The following SLC25A21 variants were observed in gnomAD, a reference collection of about 807,000 sequenced individuals.
The protein encoded by SLC25A21 is solute carrier family 25 member 21.
Under a neutral mutation model 43.8 loss-of-function variants are expected in SLC25A21, and 47 were observed. The observed-to-expected ratio is 1.07, with a 90% CI of 0.85 to 1.37. SLC25A21 has a LOEUF of 1.37. Among genes scored for constraint, SLC25A21 ranks in the 40% most tolerant of loss-of-function variants. The pLI, the probability that SLC25A21 is intolerant of heterozygous loss-of-function variation, is 0.00. For synonymous variants in SLC25A21, 131 were observed against 121.3 expected (o/e 1.08, Z -0.52); for missense variants, 352 against 350.2 (o/e 1.00, Z -0.04).
chr14:36,911,505 A>C (rs1891685274), intron 1 of SLC25A21, among the ~76,000 whole-genome samples: 1 of 152,148 alleles, frequency 6.6e-6, no homozygotes, highest in Admixed American at 6.5e-5. Flanking sequence ...CTTGCTATGG[A>C]CAACAGGACG....
intron 1 of SLC25A21, among the ~76,000 whole-genome samples, chr14:36,974,067 T>C (rs1432775660): frequency 6.6e-6 from 1 of 152,084 alleles, no homozygotes; most frequent in African/African-American, 2.4e-5. Context: ...TTTGACAAAC[T>C]CCAAAAGAAT....
At chr14:36,939,389 A>G (rs1892502654) in intron 1 of SLC25A21, among the ~76,000 whole-genome samples, 1 of 152,044 alleles carries the variant, frequency 6.6e-6, no homozygotes, top group Non-Finnish European at 1.5e-5. Flanking sequence ...ATTAAATAGA[A>G]TATACTCATG....
chr14:37,077,639 A>G (rs1453447959), intron 1 of SLC25A21, among the ~76,000 whole-genome samples: 1 of 152,230 alleles, frequency 6.6e-6, no homozygotes, highest in Non-Finnish European at 1.5e-5. Flanking sequence ...GGTAATTTAC[A>G]TGTCATTAGC....
intron 1 of SLC25A21, among the ~76,000 whole-genome samples, chr14:36,878,421 G>C (rs1267788190): frequency 6.6e-6 from 1 of 152,180 alleles, no homozygotes; most frequent in Non-Finnish European, 1.5e-5. Flanking sequence ...TATGGAAGCT[G>C]TGACTTTAAT....
chr14:36,963,184 T>A (rs1473927250), intron 1 of SLC25A21, among the ~76,000 whole-genome samples: 1 of 151,984 alleles, frequency 6.6e-6, no homozygotes, highest in Non-Finnish European at 1.5e-5. Context: ...TTAGTACATA[T>A]CCCCCCATAG....
At chr14:36,881,452 T>C (rs887718719) in intron 1 of SLC25A21, among the ~76,000 whole-genome samples, 1 of 152,172 alleles carries the variant, frequency 6.6e-6, no homozygotes, top group Non-Finnish European at 1.5e-5. Context: ...ATATCCTTTT[T>C]TCCTATGAGC....
rs144501037 is a variant in SLC25A21 at position 37,153,498 on chromosome 14, G to A, written c.70+18783C>T. ...TGCTGGTGGGACTTGGTTGCGAGTTGGGTGGGTGCTCCTACAGCTGGGGTG... is the reference window on the plus strand; with the variant it reads ...TGCTGGTGGGACTTGGTTGCGAGTTAGGTGGGTGCTCCTACAGCTGGGGTG... On this transcript the variant is annotated intron_variant, in intron 1 of 9. Coordinates refer to ENST00000331299, the MANE Select transcript of SLC25A21 (RefSeq NM_030631.4). Among the ~76,000 whole-genome samples the A allele has an allele frequency of 2.0e-3, 303 of 152,336 alleles. 1 individual carries two copies. The highest frequency in any genetic ancestry group is 7.2e-3 in the African/African-American group (299 of 41,582).
At chr14:36,744,872 T>TA (rs1885427061) in intron 3 of SLC25A21, among the ~76,000 whole-genome samples, 3 of 151,452 alleles carry the variant, frequency 2.0e-5, no homozygotes, top group Admixed American at 6.6e-5. Flanking sequence ...TCTTTTTTTT[T>TA]ATTATAGTTT....
intron 6 of SLC25A21, among the ~76,000 whole-genome samples, chr14:36,724,364 A>G (rs1197811510): frequency 6.6e-6 from 1 of 152,160 alleles, no homozygotes; most frequent in Non-Finnish European, 1.5e-5. Context: ...ACTGCCAGGA[A>G]GCTCTCAGGC....
intron 1 of SLC25A21, among the ~76,000 whole-genome samples, chr14:37,100,994 C>CCGACTTACCTAGCAATTATAAACTA (rs1962806494): frequency 6.6e-6 from 1 of 152,100 alleles, no homozygotes; most frequent in African/African-American, 2.4e-5. Context: ...TCGCTGACAG[C>CCGACTTACCTAGCAATTATAAACTA]CGACTTACCT....
At chr14:36,924,365 T>C (rs940154738) in intron 1 of SLC25A21, among the ~76,000 whole-genome samples, 15 of 152,314 alleles carry the variant, frequency 9.8e-5, no homozygotes, top group African/African-American at 3.1e-4. Context: ...GATGAGTTCA[T>C]GTCCTTTGTA....
At chr14:36,713,799 C>G (rs137858610) in intron 6 of SLC25A21, among the ~76,000 whole-genome samples, 40 of 152,136 alleles carry the variant, frequency 2.6e-4, no homozygotes, top group African/African-American at 9.4e-4. Context: ...GCCTGAACAA[C>G]ATAGTAAGAC....
Position 36,725,689 on chromosome 14 carries a change from A to C in SLC25A21, c.331-12T>G. On this transcript the variant is annotated splice_polypyrimidine_tract_variant and intron_variant, in intron 5 of 9. Transcript: ENST00000331299. Reference sequence around the variant, plus strand: ...GCAATGGCGAATGTCTAGAAAAATTAAATCAATCAATACTTTAAAACAAGT... The same window carrying C: ...GCAATGGCGAATGTCTAGAAAAATTCAATCAATCAATACTTTAAAACAAGT... 5.1e-6 allele frequency: 8 copies of C among 1,559,068 alleles called. No individual in the cohort carries two copies. Among genetic ancestry groups the C allele is most frequent in the Non-Finnish European group, 7.0e-6 (8 of 1,143,112 alleles).
At chr14:36,896,089 T>C (rs1388863883) in intron 1 of SLC25A21, among the ~76,000 whole-genome samples, 1 of 152,212 alleles carries the variant, frequency 6.6e-6, no homozygotes. Flanking sequence ...AATTCCTGGA[T>C]ATCCTCGTTA....
intron 6 of SLC25A21, among the ~76,000 whole-genome samples, chr14:36,716,706 TC>T (rs1884152008): frequency 6.6e-6 from 1 of 152,104 alleles, no homozygotes; most frequent in African/African-American, 2.4e-5. Flanking sequence ...TTTCTGGAGT[TC>T]TTCCATCTGA....
intron 7 of SLC25A21, among the ~76,000 whole-genome samples, chr14:36,687,022 G>A (rs1182669577): frequency 6.6e-6 from 1 of 152,184 alleles, no homozygotes; most frequent in Admixed American, 6.5e-5. Flanking sequence ...CAGGATCTTG[G>A]CTCACAGCAA....
At chr14:36,699,117 C>CT (rs201381375) in intron 7 of SLC25A21, among the ~76,000 whole-genome samples, 2,108 of 139,782 alleles carry the variant, frequency 0.015, 21 homozygotes, top group African/African-American at 0.022. Flanking sequence ...TGTAGATGAC[C>CT]TTTTTTTTTT....
chr14:36,858,690 G>C (rs945575298), intron 2 of SLC25A21, among the ~76,000 whole-genome samples: 2 of 151,962 alleles, frequency 1.3e-5, no homozygotes, highest in Non-Finnish European at 2.9e-5. Context: ...TTGAAACCTG[G>C]AACACCCGCA....
intron 1 of SLC25A21, among the ~76,000 whole-genome samples, chr14:37,055,268 T>C (rs1165499793): frequency 3.3e-5 from 5 of 152,168 alleles, no homozygotes; most frequent in Admixed American, 6.5e-5. Context: ...ACTATTAGAC[T>C]CTGAGCAGAT....
Sources: gnomAD v4.1 joint callset for allele counts (sites outside exome capture counted in the v4.1 genomes callset) on GRCh38, gnomAD v4.1.1 for gene constraint, MANE v1.5 for transcripts, NCBI Gene and HGNC (gene_info 2026-07-23, HGNC 2026-07-21) for gene names.